The following LPIN2 variants were observed in gnomAD, a reference collection of about 807,000 sequenced individuals.
LPIN2 encodes the protein lipin 2.
A neutral mutation model predicts 111.4 loss-of-function variants in LPIN2; 55 were observed. The ratio of observed to expected loss-of-function variants is 0.49; its 90% confidence interval spans 0.40 to 0.62. The LOEUF is 0.62. LPIN2 is among the 20% of genes least tolerant of loss of function. LPIN2 has a pLI of 0.00. For synonymous variants in LPIN2, 425 were observed against 414.0 expected, an observed-to-expected ratio of 1.03 and a Z score of -0.32; for missense variants, 992 against 1,112.1, an observed-to-expected ratio of 0.89 and a Z score of 1.54.
chr18:2,953,646 T>C (rs533036160), intron 3 of LPIN2, among the ~76,000 whole-genome samples: 42 of 152,320 alleles, frequency 2.8e-4, no homozygotes, highest in African/African-American at 8.9e-4. Flanking sequence ...TGTAAATTTA[T>C]TGTATCAAAC....
intron 1 of LPIN2, among the ~76,000 whole-genome samples, chr18:3,007,064 TC>T (rs201723258): frequency 0.043 from 6,474 of 152,220 alleles, 448 homozygotes; most frequent in African/African-American, 0.15. Flanking sequence ...TTTATCTCTC[TC>T]TCAAGTAGTA....
chr18:2,931,076 G>C lies in LPIN2; in HGVS notation c.1456+180C>G, dbSNP rs147875305. 3.3e-3 allele frequency among the ~76,000 whole-genome samples: 503 copies of C among 152,268 alleles called. 2 individuals carry two copies. The highest frequency in any genetic ancestry group is 6.1e-3 in the Non-Finnish European group (414 of 68,014). ...CACTACCTCAAAGCCACTCCATAAA[G>C]AGGTGTCAATTAAGACCTTAAGTGA... On this transcript the variant is annotated intron_variant, in intron 9 of 19. Transcript: ENST00000677752.
intron 2 of LPIN2, among the ~76,000 whole-genome samples, chr18:2,958,174 C>CAGAAAAA (rs71159026): frequency 5.3e-5 from 3 of 56,174 alleles, no homozygotes; most frequent in East Asian, 8.3e-4. Context: ...AAAAAAAAAA[C>CAGAAAAA]AGAAAAAAGA....
chr18:2,968,741 C>A (rs573341239), intron 1 of LPIN2, among the ~76,000 whole-genome samples: 2 of 152,134 alleles, frequency 1.3e-5, no homozygotes, highest in Non-Finnish European at 2.9e-5. Context: ...GTTTGAGGGA[C>A]AAGAGTGAGA....
chr18:3,004,961 T>C (rs955092036), intron 1 of LPIN2, among the ~76,000 whole-genome samples: 11 of 151,860 alleles, frequency 7.2e-5, no homozygotes, highest in African/African-American at 2.7e-4. Context: ...CTTGACACAA[T>C]TGCCTTTGAA....
intron 1 of LPIN2, among the ~76,000 whole-genome samples, chr18:2,999,918 G>A (rs1257228248): frequency 6.6e-6 from 1 of 152,156 alleles, no homozygotes; most frequent in Admixed American, 6.5e-5. Flanking sequence ...GCCAGGCACG[G>A]TGGGTCTCAC....
intron 7 of LPIN2, among the ~76,000 whole-genome samples, chr18:2,934,859 T>C (rs1162438268): frequency 6.6e-6 from 1 of 152,220 alleles, no homozygotes; most frequent in Non-Finnish European, 1.5e-5. Flanking sequence ...GATATTCACA[T>C]GGTGCCCAAG....
At chr18:2,963,446 G>C (rs1243523192) in intron 1 of LPIN2, among the ~76,000 whole-genome samples, 1 of 151,942 alleles carries the variant, frequency 6.6e-6, no homozygotes, top group Non-Finnish European at 1.5e-5. Context: ...ACCAGCAGCA[G>C]AAAAGATACA....
At chr18:2,953,053 G>A (rs2077561103) in intron 3 of LPIN2, among the ~76,000 whole-genome samples, 1 of 152,150 alleles carries the variant, frequency 6.6e-6, no homozygotes, top group African/African-American at 2.4e-5. Context: ...CATAGCATGT[G>A]GCATAGAGTA....
At chr18:2,945,395 A>C (rs2077435279) in intron 4 of LPIN2, among the ~76,000 whole-genome samples, 1 of 152,214 alleles carries the variant, frequency 6.6e-6, no homozygotes, top group African/African-American at 2.4e-5. Context: ...CAAAAAGATA[A>C]ACTGACTTTG....
Position 2,951,743 on chromosome 18 carries a change from C to T in LPIN2, c.289-387G>A, listed in dbSNP as rs190824971. Among the ~76,000 whole-genome samples, 108 of 152,268 alleles carry T rather than the reference C, an allele frequency of 7.1e-4. 1 individual carries two copies. Among genetic ancestry groups the T allele is most frequent in the African/African-American group, 2.3e-3 (96 of 41,558 alleles). The stretch of plus-strand genomic sequence containing the variant: ...CTCTCAAGAACTCACACAGAACATT[C>T]AGAACAGGAAAAAGCAGAAGGCAGA... On this transcript the variant is annotated intron_variant, in intron 3 of 19. Coordinates refer to ENST00000677752, the MANE Select transcript of LPIN2 (RefSeq NM_001375808.2).
intron 4 of LPIN2, chr18:2,946,598 CA>C: frequency 4.5e-6 from 4 of 891,800 alleles, no homozygotes; most frequent in Non-Finnish European, 7.5e-6. Flanking sequence ...ATGCGTTAGC[CA>C]ATCCCGTGTT....
chr18:2,927,928 C>T (rs2077159292), intron 11 of LPIN2, 117 bp from the exon 12 acceptor site: 3 of 828,052 alleles, frequency 3.6e-6, no homozygotes, highest in Non-Finnish European at 6.4e-6. Flanking sequence ...GACCGATGCT[C>T]TCTTCACACC....
In LPIN2 at chr18:3,012,212, G is replaced by A. The variant is rs76824492; in HGVS notation, c.-10+875C>T. Reference sequence around the variant, plus strand: ...AAAAAAAAATGGGTAAGCCCCAAATGTGCATTAAAAATTAGTTTGGCCATT... The same window carrying A: ...AAAAAAAAATGGGTAAGCCCCAAATATGCATTAAAAATTAGTTTGGCCATT... On this transcript the variant is annotated intron_variant, in intron 1 of 19. Coordinates refer to ENST00000677752, the MANE Select transcript of LPIN2 (RefSeq NM_001375808.2). 2.8e-3 allele frequency among the ~76,000 whole-genome samples: 430 copies of A among 152,224 alleles called. 4 individuals are homozygous for A. The highest frequency in any genetic ancestry group is 9.8e-3 in the African/African-American group (407 of 41,532).
At chr18:2,923,708 T>C (rs2077089753) in intron 16 of LPIN2, 67 bp downstream of exon 16, 2 of 1,287,954 alleles carry the variant, frequency 1.6e-6, no homozygotes, top group Admixed American at 1.7e-5. Flanking sequence ...ACTTACACCA[T>C]TGTTCTATAG....
chr18:2,983,506 T>C (rs1490568539), intron 1 of LPIN2, among the ~76,000 whole-genome samples: 1 of 152,232 alleles, frequency 6.6e-6, no homozygotes, highest in Non-Finnish European at 1.5e-5. Flanking sequence ...ACAACTCACA[T>C]GGACAAACAT....
chr18:2,941,170 T>C (rs1339439151), intron 4 of LPIN2, among the ~76,000 whole-genome samples: 1 of 152,222 alleles, frequency 6.6e-6, no homozygotes, highest in African/African-American at 2.4e-5. Context: ...CTCCCCTTTC[T>C]ACTGAATACA....
intron 6 of LPIN2, among the ~76,000 whole-genome samples, chr18:2,938,763 A>G (rs992752121): frequency 1.3e-5 from 2 of 152,242 alleles, no homozygotes; most frequent in Admixed American, 6.5e-5. Context: ...AATTCAACAG[A>G]AGATCTAAAC....
At chr18:3,000,023 CTG>C in intron 1 of LPIN2, among the ~76,000 whole-genome samples, 1 of 83,324 alleles carries the variant, frequency 1.2e-5, no homozygotes, top group East Asian at 3.6e-4. Flanking sequence ...GACCCTATCT[CTG>C]TTTTGTTTTT....
Sources: allele counts gnomAD v4.1 joint callset (sites outside exome capture counted in the v4.1 genomes callset), GRCh38; gene constraint gnomAD v4.1.1; transcripts MANE v1.5; gene names NCBI Gene and HGNC (gene_info 2026-07-23, HGNC 2026-07-21).